Variants in JADE2 observed in about 807,000 individuals in gnomAD.
JADE2 encodes jade family PHD finger 2.
A neutral mutation model predicts 85.7 loss-of-function variants in JADE2; 13 were observed. The ratio of observed to expected loss-of-function variants is 0.15; its 90% CI spans 0.10 to 0.24. The LOEUF (loss-of-function observed/expected upper bound fraction) is 0.24. Among genes scored for constraint, JADE2 ranks in the 10% least tolerant of loss-of-function variants. The pLI, the probability that JADE2 is intolerant of heterozygous loss-of-function variation, is 1.00. For missense variants in JADE2, 846 were observed against 1,115.9 expected (o/e 0.76, Z 3.45); for synonymous variants, 440 against 456.1 (o/e 0.96, Z 0.45).
chr5:134,570,143 C>T (rs1763901366), intron 9 of JADE2, among the ~76,000 whole-genome samples: 1 of 152,188 alleles, frequency 6.6e-6, no homozygotes, highest in Admixed American at 6.5e-5. Flanking sequence ...CCACTCCCTC[C>T]ACCAGGAGAA....
At chr5:134,546,346 A>G (rs1383416757) in intron 3 of JADE2, among the ~76,000 whole-genome samples, 1 of 152,110 alleles carries the variant, frequency 6.6e-6, no homozygotes, top group Non-Finnish European at 1.5e-5. Context: ...TTTGTTCCAC[A>G]AGCATTTCTT....
chr5:134,533,227 A>G (rs933518197), intron 1 of JADE2, among the ~76,000 whole-genome samples: 2 of 152,148 alleles, frequency 1.3e-5, no homozygotes. Context: ...TGGTATTACT[A>G]TCTGGCACCC....
rs1162197801 is a variant in JADE2, at chr5:134,579,048, C to G, written c.2236C>G (p.Pro746Ala). Residue 746 changes from proline to alanine, a missense_variant, in exon 12 of 12, where the codon CCT (proline) becomes GCT (alanine). By Grantham distance (27) the Pro-to-Ala change is conservative. Coordinates refer to ENST00000681547, the MANE Select transcript of JADE2 (RefSeq NM_001388185.1). The surrounding 1 kb of genome is among the most constrained non-coding windows in gnomAD (Gnocchi z 4.6). ...CCAAGTGCCTGGCCCTGCAGCAAGC[C>G]CTAAGCCTTTGGGCCGGCTCCGGCC... ...DVQVPGPAAS[P>A]KPLGRLRPPR... 6 of 1,614,044 alleles carry G rather than the reference C, an allele frequency of 3.7e-6. No individual in the cohort carries two copies. Among genetic ancestry groups the G allele is most frequent in the Non-Finnish European group, 5.1e-6 (6 of 1,180,010 alleles).
At position 134,552,125 on chromosome 5, in the gene JADE2, T is replaced by C. The variant is rs1443413806; in HGVS notation, c.227T>C (p.Ile76Thr). 5 of 1,614,014 alleles carry C rather than the reference T, an allele frequency of 3.1e-6. No individual in the cohort carries two copies. The highest frequency in any genetic ancestry group is 3.4e-6 in the Non-Finnish European group (4 of 1,180,036). ...SYQLSPDDYY[I>T]LADPWRQEWE... ...CAGCTCAGCCCGGATGACTACTACA[T>C]CCTGGCAGACCCATGGCGACAGGAA... The change falls in exon 4 of 12, where the codon ATC becomes ACC. Residue 76 changes from isoleucine to threonine, a missense_variant. By Grantham distance (89) the Ile-to-Thr change is moderately conservative. Around this residue, in one of 9 missense-constraint regions of JADE2, gnomAD observed 44 missense variants for 92.0 expected, o/e 0.48. Transcript: ENST00000681547.
intron 3 of JADE2, among the ~76,000 whole-genome samples, chr5:134,543,522 T>G (rs1014773165): frequency 6.6e-6 from 1 of 151,674 alleles, no homozygotes; most frequent in Non-Finnish European, 1.5e-5. Flanking sequence ...AAAAAAATTT[T>G]AAAAATTAGC....
intron 8 of JADE2, among the ~76,000 whole-genome samples, chr5:134,565,206 G>T (rs996599914): frequency 4.6e-5 from 7 of 152,294 alleles, no homozygotes; most frequent in African/African-American, 1.7e-4. Flanking sequence ...AGTGCAGGGG[G>T]GAGTCATCCT....
At chr5:134,574,046 C>A (rs183752805) in intron 10 of JADE2, 2 of 491,886 alleles carry the variant, frequency 4.1e-6, no homozygotes, top group East Asian at 8.1e-5. Context: ...AGTTCAGGAG[C>A]TGATTGCATG....
chr5:134,525,277 A>T (rs926153585), upstream of JADE2, among the ~76,000 whole-genome samples: 2 of 150,020 alleles, frequency 1.3e-5, no homozygotes, highest in African/African-American at 2.5e-5. Context: ...TATGTGTGTG[A>T]GTGTGTGAAG....
intron 1 of JADE2, chr5:134,533,605 A>G (rs746956937): frequency 3.0e-5 from 30 of 984,140 alleles, no homozygotes; most frequent in Admixed American, 1.2e-4. Context: ...GTGCACTTTT[A>G]GCACCTCCCC....
chr5:134,524,821 G>A (rs909839805), upstream of JADE2, among the ~76,000 whole-genome samples: 3 of 152,332 alleles, frequency 2.0e-5, no homozygotes, highest in East Asian at 5.8e-4. Context: ...TCCATTTGGA[G>A]TGGGTGCGGG....
intron 4 of JADE2, among the ~76,000 whole-genome samples, chr5:134,555,405 C>T (rs192050943): frequency 6.6e-5 from 10 of 152,368 alleles, no homozygotes; most frequent in Admixed American, 6.5e-4. Context: ...GCCGTCCTGG[C>T]TACAGCTGAG....
chr5:134,573,794 TC>T, intron 10 of JADE2, 32 bp downstream of exon 10: 1 of 1,271,508 alleles, frequency 7.9e-7, no homozygotes, highest in Non-Finnish European at 1.2e-6. Flanking sequence ...CGCCGCCACC[TC>T]CCTGTGCCCT....
chr5:134,558,508 GT>G (rs1292913256), intron 4 of JADE2, among the ~76,000 whole-genome samples: 3 of 152,130 alleles, frequency 2.0e-5, no homozygotes, highest in Admixed American at 1.3e-4. Flanking sequence ...GGTTTTTATG[GT>G]TTTAGGTCTA....
chr5:134,547,302 G>A (rs150572773), intron 3 of JADE2, among the ~76,000 whole-genome samples: 79 of 152,300 alleles, frequency 5.2e-4, no homozygotes, highest in African/African-American at 1.8e-3. Context: ...ATTAGAGTTT[G>A]AAGCCTTTAA....
chr5:134,557,382 T>TTC (rs1166274599), intron 4 of JADE2, among the ~76,000 whole-genome samples: 1 of 146,630 alleles, frequency 6.8e-6, no homozygotes, highest in Non-Finnish European at 1.5e-5. Flanking sequence ...TAACTTTTTT[T>TTC]TTTTTTTTTA....
intron 3 of JADE2, among the ~76,000 whole-genome samples, chr5:134,551,543 T>C (rs7727010): frequency 6.6e-6 from 1 of 150,962 alleles, no homozygotes; most frequent in Admixed American, 6.6e-5. Flanking sequence ...TTTTTTTTTT[T>C]AATTTTTTAA....
At chr5:134,569,668 G>A (rs928022632) in intron 9 of JADE2, among the ~76,000 whole-genome samples, 8 of 152,278 alleles carry the variant, frequency 5.3e-5, no homozygotes, top group Non-Finnish European at 4.4e-5. Flanking sequence ...GGCCAAGAGG[G>A]TGGAGGCGGC....
chr5:134,571,854 T>C (rs2150010068), intron 9 of JADE2, among the ~76,000 whole-genome samples: 2 of 152,346 alleles, frequency 1.3e-5, no homozygotes, highest in Middle Eastern at 6.8e-3. Flanking sequence ...CTGGCCTGGC[T>C]TGGATTCCTC....
intron 9 of JADE2, among the ~76,000 whole-genome samples, chr5:134,572,426 G>A (rs2150011908): frequency 6.6e-6 from 1 of 152,362 alleles, no homozygotes; most frequent in South Asian, 2.1e-4. Context: ...ACGCAGAAGA[G>A]AGGTCTGATC....
Sources: allele counts gnomAD v4.1 joint callset (sites outside exome capture counted in the v4.1 genomes callset), GRCh38; gene constraint gnomAD v4.1.1; regional missense constraint gnomAD v4.1.1; non-coding constraint Gnocchi (gnomAD v3.1); transcripts MANE v1.5; gene names NCBI Gene and HGNC (gene_info 2026-07-23, HGNC 2026-07-21).